The following ZNF407 variants were observed in gnomAD, a reference collection of about 807,000 sequenced individuals.
The protein encoded by ZNF407 is zinc finger protein 407.
ZNF407 carries 17 observed loss-of-function variants against 131.2 expected under a neutral mutation model. The observed-to-expected ratio is 0.13, with a 90% CI of 0.09 to 0.19. The LOEUF (loss-of-function observed/expected upper bound fraction) is 0.19, where lower values mean the gene tolerates loss of function less well. Among genes scored for constraint, ZNF407 ranks in the 10% least tolerant of loss-of-function variants. The pLI, the probability that ZNF407 is intolerant of heterozygous loss-of-function variation, is 1.00. For synonymous variants in ZNF407, 1,156 were observed against 1,062.0 expected (o/e 1.09, Z -1.72); for missense variants, 2,681 against 2,830.6 (o/e 0.95, Z 1.20).
chr18:74,805,998 G>A (rs1005615641), intron 4 of ZNF407, among the ~76,000 whole-genome samples: 1 of 152,108 alleles, frequency 6.6e-6, no homozygotes, highest in African/African-American at 2.4e-5. Context: ...TCCTAGTGAT[G>A]TAACTCTTTT....
In ZNF407 at chr18:74,874,743, AT is replaced by A. The variant is rs5826353; in HGVS notation, c.4878-2445del. Reference sequence around the variant, plus strand: ...TCTTTTAAATTTATAATGGCATTTAATTTTTTTTTCTGGCATTAAGTTTATT... The same window carrying A: ...TCTTTTAAATTTATAATGGCATTTAATTTTTTTTCTGGCATTAAGTTTATT... On this transcript the variant is annotated intron_variant, in intron 4 of 8. Transcript: ENST00000299687. Among the ~76,000 whole-genome samples the A allele has an allele frequency of 1.4e-3, 210 of 151,500 alleles. 1 individual carries two copies. The highest frequency in any genetic ancestry group is 4.9e-3 in the African/African-American group (204 of 41,290).
At chr18:74,821,679 A>G (rs1335697710) in intron 4 of ZNF407, among the ~76,000 whole-genome samples, 3 of 152,208 alleles carry the variant, frequency 2.0e-5, no homozygotes, top group African/African-American at 7.2e-5. Flanking sequence ...ATTGATGGAC[A>G]TTTGGGTTGG....
At chr18:74,778,673 G>A (rs1416266938) in intron 3 of ZNF407, among the ~76,000 whole-genome samples, 1 of 152,146 alleles carries the variant, frequency 6.6e-6, no homozygotes, top group Non-Finnish European at 1.5e-5. Context: ...CCACAGAGGA[G>A]TGGCTAGTCA....
chr18:75,064,344 C>T lies in ZNF407; in HGVS notation c.6623C>T (p.Thr2208Ile). The T allele has an allele frequency of 6.3e-7, 1 of 1,590,650 alleles. No homozygotes were observed. Among genetic ancestry groups the T allele is most frequent in the Non-Finnish European group, 8.6e-7 (1 of 1,169,464 alleles). Residue 2208 changes from threonine to isoleucine, a missense_variant, in exon 9 of 9, where the codon ACA becomes ATA. Transcript: ENST00000299687. ...ELLQAGATLG[T>I]EAGAPSRAEQ... ...CTGCAGGCCGGGGCCACGCTAGGCA[C>T]AGAGGCCGGGGCCCCAAGCAGGGCA...
intron 8 of ZNF407, among the ~76,000 whole-genome samples, chr18:74,997,178 G>C (rs1363115915): frequency 1.3e-5 from 2 of 152,232 alleles, no homozygotes; most frequent in African/African-American, 4.8e-5. Context: ...AATGCAGCTA[G>C]CAGTGGGAGG....
At chr18:75,041,587 G>A (rs1396920488) in intron 8 of ZNF407, among the ~76,000 whole-genome samples, 3 of 149,298 alleles carry the variant, frequency 2.0e-5, no homozygotes, top group African/African-American at 5.0e-5. Context: ...TCTCACATTC[G>A]GCTGATACTG....
At chr18:74,726,623 A>G (rs911705269) in intron 3 of ZNF407, among the ~76,000 whole-genome samples, 4 of 152,238 alleles carry the variant, frequency 2.6e-5, no homozygotes, top group East Asian at 3.8e-4. Flanking sequence ...TTTTTATCCT[A>G]TCTTGTCAGG....
At chr18:75,014,667 G>A (rs56889950) in intron 8 of ZNF407, among the ~76,000 whole-genome samples, 1,553 of 152,112 alleles carry the variant, frequency 0.01, 23 homozygotes, top group African/African-American at 0.035. Flanking sequence ...GAATTTTAGT[G>A]CATTGAGGGT....
chr18:74,722,883 T>C (rs1339598722), intron 3 of ZNF407, among the ~76,000 whole-genome samples: 2 of 152,210 alleles, frequency 1.3e-5, no homozygotes, highest in African/African-American at 2.4e-5. Flanking sequence ...TCCCAAAGTT[T>C]CTTTTGTCAC....
At chr18:74,940,935 G>A (rs527943587) in intron 8 of ZNF407, among the ~76,000 whole-genome samples, 153 of 152,266 alleles carry the variant, frequency 1.0e-3, no homozygotes, top group Non-Finnish European at 1.8e-3. Flanking sequence ...CTATAATTGG[G>A]GTGGTAGAAC....
Position 74,630,986 on chromosome 18 carries a change from C to G in ZNF407, c.-34C>G, listed in dbSNP as rs752985841. ...TCACAGGTTATGAGTGCCAGTGAGC[C>G]GCCTTAGATAGAAGCATCGTCAGCA... On this transcript the variant is annotated 5_prime_UTR_variant, in exon 2 of 9. Coordinates refer to ENST00000299687, the MANE Select transcript of ZNF407 (RefSeq NM_017757.3). 1 of 1,552,104 alleles carries G rather than the reference C, an allele frequency of 6.4e-7. No individual in the cohort carries two copies. The highest frequency in any genetic ancestry group is 1.4e-5 in the African/African-American group (1 of 72,544).
At chr18:74,673,629 C>G (rs1426980190) in intron 3 of ZNF407, among the ~76,000 whole-genome samples, 1 of 152,208 alleles carries the variant, frequency 6.6e-6, no homozygotes, top group South Asian at 2.1e-4. Flanking sequence ...CTCCCACAGA[C>G]TGTGCTTTTC....
chr18:74,670,464 A>C (rs1986099864), intron 3 of ZNF407, among the ~76,000 whole-genome samples: 1 of 152,140 alleles, frequency 6.6e-6, no homozygotes, highest in South Asian at 2.1e-4. Flanking sequence ...CGAATAAGCA[A>C]CTGCTTGAAA....
At chr18:74,993,947 A>G (rs537204952) in intron 8 of ZNF407, among the ~76,000 whole-genome samples, 1 of 152,250 alleles carries the variant, frequency 6.6e-6, no homozygotes, top group Non-Finnish European at 1.5e-5. Flanking sequence ...CTGGTGCACT[A>G]TTCCAGAATA....
chr18:74,899,857 A>T (rs1971500183), intron 7 of ZNF407, among the ~76,000 whole-genome samples: 1 of 152,182 alleles, frequency 6.6e-6, no homozygotes, highest in Non-Finnish European at 1.5e-5. Flanking sequence ...GAGAACAGAA[A>T]ACAGGTAAGT....
intron 3 of ZNF407, among the ~76,000 whole-genome samples, chr18:74,762,067 T>A (rs1969108461): frequency 6.6e-6 from 1 of 152,124 alleles, no homozygotes; most frequent in Non-Finnish European, 1.5e-5. Flanking sequence ...GTTACCTTTT[T>A]GCTCTGAAAC....
chr18:74,836,127 A>T (rs1426682690), intron 4 of ZNF407, among the ~76,000 whole-genome samples: 1 of 152,200 alleles, frequency 6.6e-6, no homozygotes, highest in Non-Finnish European at 1.5e-5. Flanking sequence ...GACAAAAAAT[A>T]GGTTAAAAAC....
intron 7 of ZNF407, among the ~76,000 whole-genome samples, chr18:74,899,377 T>C (rs974709932): frequency 6.6e-6 from 1 of 152,034 alleles, no homozygotes; most frequent in African/African-American, 2.4e-5. Flanking sequence ...GCCCAGTGAA[T>C]GGACTGAGGG....
intron 8 of ZNF407, among the ~76,000 whole-genome samples, chr18:74,948,377 A>G (rs1310738177): frequency 3.3e-5 from 5 of 152,210 alleles, no homozygotes; most frequent in Non-Finnish European, 7.3e-5. Flanking sequence ...TGCTCCGTCT[A>G]TTTGTAAAAC....
Sources: gnomAD v4.1 joint callset for allele counts (sites outside exome capture counted in the v4.1 genomes callset) on GRCh38, gnomAD v4.1.1 for gene constraint, MANE v1.5 for transcripts, NCBI Gene and HGNC (gene_info 2026-07-23, HGNC 2026-07-21) for gene names.